Variants in TIMM50 observed in about 807,000 individuals in gnomAD.
TIMM50 encodes the protein translocase of inner mitochondrial membrane 50, also known as mitochondrial import inner membrane translocase subunit TIM50.
Under a neutral mutation model 49.6 loss-of-function variants are expected in TIMM50, and 34 were observed. That is an observed-to-expected ratio of 0.69 (90% CI 0.52 to 0.91). The LOEUF (loss-of-function observed/expected upper bound fraction) is 0.91, where lower values mean the gene tolerates loss of function less well. Among genes scored for constraint, TIMM50 ranks in the 40% least tolerant of loss-of-function variants. The probability of loss-of-function intolerance (pLI) is 0.00; values close to 1 mark genes in which losing one functional copy is unlikely to be tolerated. For missense variants in TIMM50, 458 were observed against 477.8 expected (o/e 0.96, Z 0.39); for synonymous variants, 199 against 198.4 (o/e 1.00, Z -0.03).
intron 3 of TIMM50, 100 bp downstream of exon 3, chr19:39,483,016 C>A: frequency 1.2e-6 from 2 of 1,606,436 alleles, no homozygotes; most frequent in Non-Finnish European, 1.7e-6. Flanking sequence ...CTGGAGTGAG[C>A]CTTTCTTTCC....
At chr19:39,486,539 G>C (rs760755228) in intron 8 of TIMM50, 44 bp downstream of exon 8, 6 of 1,564,278 alleles carry the variant, frequency 3.8e-6, no homozygotes, top group Non-Finnish European at 5.3e-6. Context: ...TGGCGGAGTT[G>C]GCACCACCTG....
At chr19:39,481,761 A>G (rs1056983715) in intron 1 of TIMM50, 122 bp from the exon 2 acceptor site, 156 of 1,267,456 alleles carry the variant, frequency 1.2e-4, no homozygotes, top group Non-Finnish European at 1.6e-4. Flanking sequence ...AGGGACACAG[A>G]TGTCCAGGGC....
chr19:39,486,754 GATTTAGAAGCTGGTTTT>G (rs543119346), intron 8 of TIMM50, among the ~76,000 whole-genome samples: 89 of 152,300 alleles, frequency 5.8e-4, no homozygotes, highest in African/African-American at 2.1e-3. Flanking sequence ...AAGGTCGTAC[GATTTAGAAGCTGGTTTT>G]ATCTTGCTGT....
chr19:39,493,620 C>G lies in TIMM50; in HGVS notation c.*3800C>G, dbSNP rs1600747530. The G allele has an allele frequency of 6.6e-6, 1 of 152,202 alleles. No individual in the cohort carries two copies. Among genetic ancestry groups the G allele is most frequent in the Admixed American group, 6.5e-5 (1 of 15,276 alleles). The allele number at this position is 152,202 out of a possible 1,614,324, so 9.4% of individuals were successfully genotyped here. A position where few individuals can be genotyped will look rare whatever the true frequency, so the allele number is the denominator to read the frequency against. ...TTCTCCTGGCTCAGAAGCACCCCCACTGAGCACCTTGCGACCCCCCACTCC... is the reference window on the plus strand; with the variant it reads ...TTCTCCTGGCTCAGAAGCACCCCCAGTGAGCACCTTGCGACCCCCCACTCC... On this transcript the variant is annotated 3_prime_UTR_variant, in exon 11 of 11. Transcript: ENST00000607714.
At chr19:39,481,561 T>A (rs2079472002) in intron 1 of TIMM50, among the ~76,000 whole-genome samples, 1 of 152,156 alleles carries the variant, frequency 6.6e-6, no homozygotes. Flanking sequence ...CCGTTCCCTC[T>A]CATCCCAGTG....
intron 9 of TIMM50, 88 bp downstream of exon 9, chr19:39,488,305 G>A (rs1335039204): frequency 1.4e-5 from 21 of 1,489,206 alleles, no homozygotes; most frequent in East Asian, 4.6e-5. Context: ...ATGGCTGGGC[G>A]ACTGAGGTGC....
chr19:39,493,148 C>G lies in TIMM50; in HGVS notation c.*3328C>G, dbSNP rs1233528732. The G allele has an allele frequency of 3.3e-5, 5 of 151,680 alleles. No homozygotes were observed. The highest frequency in any genetic ancestry group is 1.3e-4 in the Admixed American group (2 of 15,196). The allele number at this position is 151,680 out of a possible 1,614,324, so 9.4% of individuals were successfully genotyped here. On this transcript the variant is annotated 3_prime_UTR_variant, in exon 11 of 11. Coordinates refer to ENST00000607714, the MANE Select transcript of TIMM50 (RefSeq NM_001001563.5). ...GATAATTAAAATTTACACCATGACT[C>G]TTTGTCCTGGGGTGCACTGTCTGTA...
chr19:39,482,924 G>A lies in TIMM50; in HGVS notation c.291+8G>A. The A allele has an allele frequency of 6.2e-7, 1 of 1,614,152 alleles. No homozygotes were observed. Among genetic ancestry groups the A allele is most frequent in the Non-Finnish European group, 8.5e-7 (1 of 1,180,022 alleles). On this transcript the variant is annotated splice_region_variant and intron_variant, in intron 3 of 10. Coordinates refer to ENST00000607714, the MANE Select transcript of TIMM50 (RefSeq NM_001001563.5). ...GACGAAAATGGTGCCAAGGTGAGGG[G>A]GAAAGAGACCGAGGCCTTGCCAGGA... is the stretch of plus-strand genomic sequence containing the variant.
chr19:39,481,045 G>A lies in TIMM50; in HGVS notation c.108+84G>A, dbSNP rs1015382384. The A allele has an allele frequency of 7.0e-6, 10 of 1,437,180 alleles. No homozygotes were observed. In the African/African-American group the frequency reaches 8.7e-5, roughly 13 times the overall value. The allele number at this position is 1,437,180 out of a possible 1,614,324, so 89.0% of individuals were successfully genotyped here. ...TATCGCCGCCCCTTGGGGGTTCCGG[G>A]ACGCCTCACCTCAGGGTGCTGAATG... On this transcript the variant is annotated intron_variant, in intron 1 of 10. Transcript: ENST00000607714.
In TIMM50 at chr19:39,493,090, C is replaced by G. The variant is rs977218656; in HGVS notation, c.*3270C>G. ...GTGGACCAGACTGAACCTCTGCACT[C>G]TAGATTTTTTTTTTTTTGAAGCCTC... is the stretch of plus-strand genomic sequence containing the variant. On this transcript the variant is annotated 3_prime_UTR_variant, in exon 11 of 11. Coordinates refer to ENST00000607714, the MANE Select transcript of TIMM50 (RefSeq NM_001001563.5). 6.6e-6 allele frequency: 1 copy of G among 151,242 alleles called. No individual in the cohort carries two copies. Among genetic ancestry groups the G allele is most frequent in the Non-Finnish European group, 1.5e-5 (1 of 67,948 alleles). The allele number at this position is 151,242 out of a possible 1,614,324, so 9.4% of individuals were successfully genotyped here.
Position 39,491,770 on chromosome 19 carries a change from T to A in TIMM50, c.*1950T>A, listed in dbSNP as rs186961817. On this transcript the variant is annotated 3_prime_UTR_variant, in exon 11 of 11. Transcript: ENST00000607714. ...CCAAGGAGGTCGTGCGTGGCTGTGA[T>A]GATCTGTGATCGTGCCGCTAAATTC... 7.2e-6 allele frequency: 1 copy of A among 139,216 alleles called. No homozygotes were observed. Among genetic ancestry groups the A allele is most frequent in the Non-Finnish European group, 1.5e-5 (1 of 66,684 alleles). The allele number at this position is 139,216 out of a possible 1,614,324, so 8.6% of individuals were successfully genotyped here. A position where few individuals can be genotyped will look rare whatever the true frequency, so the allele number is the denominator to read the frequency against.
At chr19:39,488,997 G>C (rs531361849) in intron 10 of TIMM50, among the ~76,000 whole-genome samples, 2 of 151,992 alleles carry the variant, frequency 1.3e-5, no homozygotes, top group Non-Finnish European at 2.9e-5. Flanking sequence ...CTGGGCACGT[G>C]GCCCAAGGCT....
rs2079553150 is a variant in TIMM50, at chr19:39,492,636, G to T, written c.*2816G>T. On this transcript the variant is annotated 3_prime_UTR_variant, in exon 11 of 11. Transcript: ENST00000607714. ...AATCCCAGCACTTTGGGAGACCGAG[G>T]CGGGTGGATCACCTGAGGTCAGGAG... The T allele has an allele frequency of 6.6e-6, 1 of 151,912 alleles. No homozygotes were observed. The highest frequency in any genetic ancestry group is 2.4e-5 in the African/African-American group (1 of 41,332). 9.4% of individuals were successfully genotyped at this position (151,912 alleles called of 1,614,324 possible).
intron 8 of TIMM50, among the ~76,000 whole-genome samples, chr19:39,487,424 C>T (rs1821151604): frequency 6.6e-6 from 1 of 152,108 alleles, no homozygotes; most frequent in African/African-American, 2.4e-5. Context: ...AGGCACACAC[C>T]ACCATGCCTG....
chr19:39,485,410 C>A, intron 4 of TIMM50, 134 bp from the exon 5 acceptor site: 2 of 969,090 alleles, frequency 2.1e-6, no homozygotes, highest in South Asian at 1.4e-5. Flanking sequence ...TATCTTTGGA[C>A]CTAGAAATGA....
rs1568441650 is a variant in TIMM50 at position 39,485,528 on chromosome 19, C to G, written c.314-16C>G. On this transcript the variant is annotated splice_polypyrimidine_tract_variant and intron_variant, in intron 4 of 10. Transcript: ENST00000607714. Reference sequence around the variant, plus strand: ...CGGCTTATTGTGGAATCTCTTTGTGCCTGGTGTTCTCCTAGATCCAATTCT... The same window carrying G: ...CGGCTTATTGTGGAATCTCTTTGTGGCTGGTGTTCTCCTAGATCCAATTCT... 1.2e-6 allele frequency: 2 copies of G among 1,613,958 alleles called. No homozygotes were observed. The highest frequency in any genetic ancestry group is 1.7e-6 in the Non-Finnish European group (2 of 1,180,004).
intron 4 of TIMM50, chr19:39,483,627 T>C (rs2079486698): frequency 6.3e-6 from 1 of 157,888 alleles, no homozygotes; most frequent in African/African-American, 2.4e-5. Context: ...CACACCTGGC[T>C]CTTCCTAGGA....
At chr19:39,481,219 T>G (rs1200765226) in intron 1 of TIMM50, 3 of 541,866 alleles carry the variant, frequency 5.5e-6, no homozygotes, top group East Asian at 6.6e-5. Flanking sequence ...CCCGTTTCAG[T>G]GACCACTCAG....
At chr19:39,487,958 A>C in intron 8 of TIMM50, 103 bp from the exon 9 acceptor site, 2 of 1,460,222 alleles carry the variant, frequency 1.4e-6, no homozygotes, top group Non-Finnish European at 1.8e-6. Flanking sequence ...TGATCCCAGT[A>C]TGTGTGATGC....
Sources: gnomAD v4.1 joint callset for allele counts (sites outside exome capture counted in the v4.1 genomes callset) on GRCh38, gnomAD v4.1.1 for gene constraint, MANE v1.5 for transcripts, NCBI Gene and HGNC (gene_info 2026-07-23, HGNC 2026-07-21) for gene names.